The following PCDH19 variants were observed in gnomAD, a reference collection of about 807,000 sequenced individuals.
PCDH19 encodes protocadherin 19, also known as protocadherin-19.
In PCDH19, 6 loss-of-function variants were observed where a neutral mutation model predicts 46.2. The ratio of observed to expected loss-of-function variants is 0.13; its 90% CI spans 0.07 to 0.26. The LOEUF is 0.26. Ranked by LOEUF, PCDH19 falls within the 10% of genes least tolerant of loss-of-function variation. PCDH19 has a pLI of 1.00. For synonymous variants in PCDH19, 481 were observed against 415.7 expected (o/e 1.16, Z -1.91); for missense variants, 740 against 972.3 (o/e 0.76, Z 3.18).
intron 5 of PCDH19, among the ~76,000 whole-genome samples, chrX:100,317,172 G>A (rs1925335253): frequency 9.0e-6 from 1 of 111,625 alleles, no homozygotes; most frequent in Non-Finnish European, 1.9e-5. Context: ...ACTGAAGTGG[G>A]TGGAAGAATG....
At position 100,407,092 on chromosome X, in the gene PCDH19, G is replaced by A. The variant is rs1301308123; in HGVS notation, c.1506C>T (p.Val502=). 1.7e-6 allele frequency: 2 copies of A among 1,210,459 alleles called. No individual in the cohort carries two copies. Among genetic ancestry groups the A allele is most frequent in the Non-Finnish European group, 2.2e-6 (2 of 895,286 alleles). Residue 502 remains valine (V), a synonymous_variant, in exon 1 of 6, where the codon GTC becomes GTT. Coordinates refer to ENST00000373034, the MANE Select transcript of PCDH19 (RefSeq NM_001184880.2). The part of the protein sequence containing the change: ...IVPSQVRDMP[V]FTYVSINPNS... ...TGGGATTGATGGAGACATAGGTGAA[G>A]ACAGGCATGTCCCGCACCTGCGACG...
At chrX:100,300,568 CCACATATAGTTGTGGAAATT>C (rs1924743624) in intron 5 of PCDH19, among the ~76,000 whole-genome samples, 1 of 111,936 alleles carries the variant, frequency 8.9e-6, no homozygotes, top group African/African-American at 3.2e-5. Flanking sequence ...ATTCTAAAAT[CCACATATAGTTGTGGAAATT>C]CACGTATAGA....
intron 5 of PCDH19, among the ~76,000 whole-genome samples, chrX:100,332,656 T>C (rs1354793037): frequency 8.9e-6 from 1 of 111,931 alleles, no homozygotes. Context: ...AATCCATGTT[T>C]AGATTTATCA....
chrX:100,330,856 C>A (rs1394102997), intron 5 of PCDH19, among the ~76,000 whole-genome samples: 1 of 112,015 alleles, frequency 8.9e-6, no homozygotes. Context: ...TCTATTATTT[C>A]AAATTTAATA....
chrX:100,366,787 G>C (rs1161692118), intron 3 of PCDH19, among the ~76,000 whole-genome samples: 1 of 112,006 alleles, frequency 8.9e-6, no homozygotes, highest in African/African-American at 3.2e-5. Context: ...AAACTTCCTG[G>C]CACAGACTTT....
intron 5 of PCDH19, among the ~76,000 whole-genome samples, chrX:100,313,280 A>G (rs1569289120): frequency 9.0e-6 from 1 of 111,182 alleles, no homozygotes; most frequent in East Asian, 2.9e-4. Flanking sequence ...GGGCTAATGG[A>G]GGAATGCCAT....
At chrX:100,322,865 A>ATATATATATATTTTTTTTTTTT in intron 5 of PCDH19, among the ~76,000 whole-genome samples, 4 of 54,416 alleles carry the variant, frequency 7.4e-5, no homozygotes, top group African/African-American at 2.5e-4. Context: ...ATATATATAT[A>ATATATATATATTTTTTTTTTTT]TTTTTGCAGC....
intron 1 of PCDH19, among the ~76,000 whole-genome samples, chrX:100,405,362 A>T (rs1296945328): frequency 8.9e-6 from 1 of 112,095 alleles, no homozygotes; most frequent in African/African-American, 3.2e-5. Context: ...TCGATGAGAC[A>T]CTGCTGGAAA....
At chrX:100,364,395 T>C (rs996337418) in intron 3 of PCDH19, among the ~76,000 whole-genome samples, 8 of 111,440 alleles carry the variant, frequency 7.2e-5, no homozygotes, top group African/African-American at 2.6e-4. Flanking sequence ...AATTTTAGTT[T>C]TTCAATCATA....
At chrX:100,300,580 G>A (rs1158987535) in intron 5 of PCDH19, among the ~76,000 whole-genome samples, 1 of 112,019 alleles carries the variant, frequency 8.9e-6, no homozygotes, top group Non-Finnish European at 1.9e-5. Context: ...ACATATAGTT[G>A]TGGAAATTCA....
intron 5 of PCDH19, among the ~76,000 whole-genome samples, chrX:100,337,812 G>A (rs1926130578): frequency 9.0e-6 from 1 of 111,586 alleles, no homozygotes; most frequent in Admixed American, 9.5e-5. Flanking sequence ...AGCTATTACT[G>A]CAAAGAAATG....
chrX:100,350,579 T>C, intron 4 of PCDH19, 67 bp downstream of exon 4: 1 of 745,473 alleles, frequency 1.3e-6, no homozygotes, highest in South Asian at 2.3e-5. Flanking sequence ...TTAAAAATTT[T>C]AATCTGTTTT....
intron 5 of PCDH19, among the ~76,000 whole-genome samples, chrX:100,297,528 T>C (rs935500697): frequency 8.9e-6 from 1 of 111,871 alleles, no homozygotes; most frequent in Non-Finnish European, 1.9e-5. Flanking sequence ...AGCTGACCCA[T>C]AAGCTTCAAT....
At chrX:100,310,792 A>C (rs1436027089) in intron 5 of PCDH19, among the ~76,000 whole-genome samples, 1 of 108,721 alleles carries the variant, frequency 9.2e-6, no homozygotes, top group Non-Finnish European at 1.9e-5. Flanking sequence ...TTCTACATGC[A>C]GTTATACATC....
rs749140660 is a variant in PCDH19 at position 100,408,571 on chromosome X, C to T, written c.27G>A (p.Leu9=). Residue 9 remains leucine, a synonymous_variant, in exon 1 of 6, where the codon CTG becomes CTA. Coordinates refer to ENST00000373034, the MANE Select transcript of PCDH19 (RefSeq NM_001184880.2). ...GCGTCCACAGTATGGCCAGCAGCAG[C>T]AGCACCGGCAGCAGGAGCGACTCCA... The part of the protein sequence containing the change: MESLLLPV[L]LLLAILWTQA... 3 of 1,181,153 alleles carry T rather than the reference C, an allele frequency of 2.5e-6. No homozygotes were observed. Among genetic ancestry groups the T allele is most frequent in the Non-Finnish European group, 3.4e-6 (3 of 885,211 alleles).
chrX:100,343,326 T>C (rs988259433), intron 4 of PCDH19, among the ~76,000 whole-genome samples: 1 of 111,908 alleles, frequency 8.9e-6, no homozygotes, highest in Admixed American at 9.5e-5. Context: ...TTTATAGATT[T>C]AGATATGCCT....
intron 5 of PCDH19, among the ~76,000 whole-genome samples, chrX:100,332,264 G>C (rs1243841774): frequency 2.7e-5 from 3 of 112,222 alleles, no homozygotes; most frequent in Non-Finnish European, 5.6e-5. Flanking sequence ...GTTCATACCT[G>C]TAATCCCAGA....
chrX:100,407,128 G>A lies in PCDH19; in HGVS notation c.1470C>T (p.Tyr490=). 1 of 1,212,194 alleles carries A rather than the reference G, an allele frequency of 8.2e-7. No individual in the cohort carries two copies. ...PDLGLNGSVS[Y]QIVPSQVRDM... ...CCCGCACCTGCGACGGCACGATCTGGTAGGAGACACTGCCGTTGAGACCCA... is the reference window on the plus strand; with the variant it reads ...CCCGCACCTGCGACGGCACGATCTGATAGGAGACACTGCCGTTGAGACCCA... Residue 490 remains tyrosine (Y), a synonymous_variant, in exon 1 of 6, where the codon TAC becomes TAT. Transcript: ENST00000373034.
intron 3 of PCDH19, among the ~76,000 whole-genome samples, chrX:100,377,018 A>G (rs1006598924): frequency 4.4e-5 from 5 of 112,366 alleles, no homozygotes; most frequent in African/African-American, 1.6e-4. Context: ...TTTGGTACCA[A>G]AAGAAATACA....
Sources: gnomAD v4.1 joint callset for allele counts (sites outside exome capture counted in the v4.1 genomes callset) on GRCh38, gnomAD v4.1.1 for gene constraint, MANE v1.5 for transcripts, NCBI Gene and HGNC (gene_info 2026-07-23, HGNC 2026-07-21) for gene names.